Variants in RARB observed in about 807,000 individuals in gnomAD.
RARB encodes retinoic acid receptor beta, also known as HBV-activated protein.
Under a neutral mutation model 51.9 loss-of-function variants are expected in RARB, and 17 were observed. That is an observed-to-expected ratio of 0.33 (90% CI 0.22 to 0.49). RARB has a LOEUF of 0.49. Among genes scored for constraint, RARB ranks in the 20% least tolerant of loss-of-function variants. The pLI is 0.99. For missense variants in RARB, 369 were observed against 550.8 expected (o/e 0.67, Z 3.30); for synonymous variants, 215 against 195.4 (o/e 1.10, Z -0.84).
chr3:24,875,469 T>C (rs769748300), intron 2 of RARB, among the ~76,000 whole-genome samples: 8 of 152,136 alleles, frequency 5.3e-5, no homozygotes, highest in Non-Finnish European at 8.8e-5. Context: ...AGGGAATAAT[T>C]ACAGCACTTA....
intron 1 of RARB, among the ~76,000 whole-genome samples, chr3:24,844,818 C>T (rs531868705): frequency 2.1e-4 from 32 of 152,284 alleles, no homozygotes; most frequent in African/African-American, 6.5e-4. Flanking sequence ...CACTCTCACC[C>T]TCCTCTTTCT....
chr3:24,831,245 CA>C (rs2125325834), intron 1 of RARB, among the ~76,000 whole-genome samples: 1 of 152,056 alleles, frequency 6.6e-6, no homozygotes, highest in African/African-American at 2.4e-5. Context: ...AAAAATAAAG[CA>C]AAAAATAATT....
intron 1 of RARB, among the ~76,000 whole-genome samples, chr3:24,848,312 C>T (rs1189478336): frequency 2.0e-5 from 3 of 152,162 alleles, no homozygotes; most frequent in Admixed American, 6.5e-5. Flanking sequence ...CTGCATGCCT[C>T]GGCTTCCCAA....
chr3:25,489,598 G>A (rs1696628435), intron 2 of RARB, among the ~76,000 whole-genome samples: 1 of 152,226 alleles, frequency 6.6e-6, no homozygotes, highest in African/African-American at 2.4e-5. Context: ...GAGACACAAA[G>A]ATCAATTGTT....
intron 2 of RARB, among the ~76,000 whole-genome samples, chr3:24,929,731 A>T (rs1409297560): frequency 1.3e-5 from 2 of 152,050 alleles, no homozygotes; most frequent in African/African-American, 4.8e-5. Context: ...TCTGCCCCCT[A>T]GCACTTCTAG....
At chr3:25,259,876 G>A (rs76622947) in intron 5 of RARB, 4 of 978,632 alleles carry the variant, frequency 4.1e-6, no homozygotes, top group Non-Finnish European at 3.6e-6. Flanking sequence ...AGAGATTTGA[G>A]CTTCTTTCCT....
intron 3 of RARB, among the ~76,000 whole-genome samples, chr3:25,092,925 A>G (rs143023736): frequency 6.6e-6 from 1 of 152,294 alleles, no homozygotes; most frequent in African/African-American, 2.4e-5. Flanking sequence ...AAACTGAGAC[A>G]TTTCTTATAG....
intron 5 of RARB, among the ~76,000 whole-genome samples, chr3:25,333,907 G>T (rs892704802): frequency 3.3e-5 from 5 of 152,180 alleles, no homozygotes; most frequent in Non-Finnish European, 7.3e-5. Context: ...CATTTATGCA[G>T]CCAACAGACA....
intron 5 of RARB, among the ~76,000 whole-genome samples, chr3:25,184,984 C>G (rs1053818158): frequency 6.6e-6 from 1 of 152,168 alleles, no homozygotes; most frequent in Non-Finnish European, 1.5e-5. Context: ...CATCCACTTA[C>G]TAGCAAAAAT....
intron 4 of RARB, among the ~76,000 whole-genome samples, chr3:25,172,621 C>T (rs528001761): frequency 3.9e-4 from 60 of 152,280 alleles, no homozygotes; most frequent in African/African-American, 8.7e-4. Context: ...ACTTCAAGGA[C>T]GTAAGCTTTA....
intron 2 of RARB, among the ~76,000 whole-genome samples, chr3:24,949,636 C>T (rs956256247): frequency 1.3e-4 from 20 of 152,188 alleles, no homozygotes; most frequent in Non-Finnish European, 2.6e-4. Context: ...CAAAATGTGA[C>T]TATTTTGAGG....
intron 2 of RARB, among the ~76,000 whole-genome samples, chr3:25,053,599 G>C (rs17515260): frequency 0.066 from 9,974 of 152,234 alleles, 424 homozygotes; most frequent in Non-Finnish European, 0.1. Flanking sequence ...GAGGAAAACA[G>C]TTACAACACT....
At chr3:25,114,037 G>A (rs940548764) in intron 3 of RARB, among the ~76,000 whole-genome samples, 2 of 152,172 alleles carry the variant, frequency 1.3e-5, no homozygotes, top group Admixed American at 6.5e-5. Context: ...GAAGTGTTTT[G>A]TCAACCTACA....
At position 25,102,624 on chromosome 3, in the gene RARB, A is replaced by G. The variant is rs560073072; in HGVS notation, c.-327-29537A>G. On this transcript the variant is annotated intron_variant, in intron 3 of 11. Transcript: ENST00000383772. Reference sequence around the variant, plus strand: ...TGAATATATATATTTTTGAATTTCTATATTTTTGAGTTTATATATTTATAT... The same window carrying G: ...TGAATATATATATTTTTGAATTTCTGTATTTTTGAGTTTATATATTTATAT... 3.5e-4 allele frequency among the ~76,000 whole-genome samples: 53 copies of G among 152,184 alleles called. 1 individual carries two copies. The highest frequency in any genetic ancestry group is 1.0e-3 in the South Asian group (5 of 4,830).
chr3:25,428,535 A>G lies in RARB; in HGVS notation c.-197A>G, dbSNP rs1708072515. 2.4e-6 allele frequency: 3 copies of G among 1,276,308 alleles called. No individual in the cohort carries two copies. Among genetic ancestry groups the G allele is most frequent in the East Asian group, 5.9e-5 (2 of 33,668 alleles). 79.1% of individuals were successfully genotyped at this position (1,276,308 alleles called of 1,614,324 possible). A position where few individuals can be genotyped will look rare whatever the true frequency, so the allele number is the denominator to read the frequency against. On this transcript the variant is annotated 5_prime_UTR_variant, in exon 1 of 8. Transcript: ENST00000330688. ...GGCCGAGCAAGCCTGGAAAATGGTA[A>G]ATGATCATTTGGATCAATTACAGGC... is the stretch of plus-strand genomic sequence containing the variant.
At chr3:25,005,827 T>G (rs890913139) in intron 2 of RARB, among the ~76,000 whole-genome samples, 2 of 152,166 alleles carry the variant, frequency 1.3e-5, no homozygotes, top group African/African-American at 4.8e-5. Context: ...GTATCATTTT[T>G]CTGCTGAAAA....
At chr3:25,088,495 T>C (rs9859208) in intron 3 of RARB, among the ~76,000 whole-genome samples, 1,731 of 152,250 alleles carry the variant, frequency 0.011, 22 homozygotes, top group South Asian at 0.056. Flanking sequence ...CCTCCTCTTT[T>C]AATCTAGCTT....
chr3:25,449,357 T>A (rs993732806), intron 1 of RARB, among the ~76,000 whole-genome samples: 5 of 151,868 alleles, frequency 3.3e-5, no homozygotes, highest in Non-Finnish European at 7.4e-5. Context: ...GACTTTCCTA[T>A]TTTATTGCTC....
At chr3:25,286,967 C>T (rs72619934) in intron 5 of RARB, among the ~76,000 whole-genome samples, 11,644 of 152,226 alleles carry the variant, frequency 0.076, 610 homozygotes, top group South Asian at 0.23. Context: ...ACTCATGATG[C>T]GCTCTGTCTT....
Sources: allele counts gnomAD v4.1 joint callset (sites outside exome capture counted in the v4.1 genomes callset), GRCh38; gene constraint gnomAD v4.1.1; transcripts MANE v1.5; gene names NCBI Gene and HGNC (gene_info 2026-07-23, HGNC 2026-07-21).